IL6R: variants seen among roughly 807,000 people sequenced by gnomAD.
IL6R encodes the protein interleukin-6 receptor subunit alpha.
A neutral mutation model predicts 48.3 loss-of-function variants in IL6R; 38 were observed. The observed-to-expected ratio is 0.79, with a 90% CI of 0.61 to 1.03. The LOEUF (loss-of-function observed/expected upper bound fraction) is 1.03. IL6R is among the 50% of genes least tolerant of loss of function. IL6R has a pLI of 0.00. For synonymous variants in IL6R, 264 were observed against 256.2 expected, an observed-to-expected ratio of 1.03 and a Z score of -0.29; for missense variants, 534 against 618.3, an observed-to-expected ratio of 0.86 and a Z score of 1.45.
chr1:154,454,671 A>T, intron 9 of IL6R, 90 bp downstream of exon 9: 1 of 857,448 alleles, frequency 1.2e-6, no homozygotes, highest in South Asian at 1.4e-5. Flanking sequence ...TGGTGCATTT[A>T]TTCATTCATT....
At chr1:154,457,973 T>C (rs1408190289) in intron 9 of IL6R, among the ~76,000 whole-genome samples, 5 of 146,872 alleles carry the variant, frequency 3.4e-5, no homozygotes, top group South Asian at 2.1e-4. Context: ...TTTTCTTTTT[T>C]TTTTTTTTTT....
intron 2 of IL6R, 121 bp from the exon 3 acceptor site, chr1:154,430,362 C>G: frequency 1.5e-6 from 2 of 1,304,734 alleles, no homozygotes; most frequent in Non-Finnish European, 2.1e-6. Flanking sequence ...TGACTAGCTC[C>G]AGGGCTGGGG....
At chr1:154,446,628 G>A (rs1303916807) in intron 6 of IL6R, among the ~76,000 whole-genome samples, 1 of 152,152 alleles carries the variant, frequency 6.6e-6, no homozygotes, top group Non-Finnish European at 1.5e-5. Context: ...TTGCCTTGGG[G>A]TTTCCGCAGA....
intron 9 of IL6R, among the ~76,000 whole-genome samples, chr1:154,463,662 G>A (rs145044451): frequency 7.5e-4 from 114 of 152,316 alleles, no homozygotes; most frequent in African/African-American, 2.5e-3. Context: ...TGAGGCTTGG[G>A]GCACTGGCCA....
chr1:154,434,930 C>T, intron 4 of IL6R, 60 bp from the exon 5 acceptor site: 1 of 1,568,414 alleles, frequency 6.4e-7, no homozygotes, highest in Non-Finnish European at 8.7e-7. Flanking sequence ...TCTCAGCCTA[C>T]ATGGGCTTCT....
Position 154,405,866 on chromosome 1 carries a change from G to A in IL6R, c.85+152G>A. ...TGCCTTGAGGCCCCGCGGGTACCTAGCTGTGTGGTCGCGGGTAGTGGCTCT... is the reference window on the plus strand; with the variant it reads ...TGCCTTGAGGCCCCGCGGGTACCTAACTGTGTGGTCGCGGGTAGTGGCTCT... On this transcript the variant is annotated intron_variant, in intron 1 of 9. Coordinates refer to ENST00000368485, the MANE Select transcript of IL6R (RefSeq NM_000565.4). This position sits in a 1 kb window ranked among gnomAD's most constrained non-coding sequence, Gnocchi z 5.2. 1.6e-6 allele frequency: 1 copy of A among 631,564 alleles called. No homozygotes were observed. Among genetic ancestry groups the A allele is most frequent in the Non-Finnish European group, 2.6e-6 (1 of 382,338 alleles). The allele number at this position is 631,564 out of a possible 1,614,324, so 39.1% of individuals were successfully genotyped here.
chr1:154,429,027 C>T (rs953501258), intron 1 of IL6R, among the ~76,000 whole-genome samples, 169 bp from the exon 2 acceptor site: 3 of 152,086 alleles, frequency 2.0e-5, no homozygotes, highest in Admixed American at 1.3e-4. Context: ...ATGGTGAAGA[C>T]CAGGTTGGGG....
At chr1:154,444,568 A>G (rs11265612) in intron 6 of IL6R, among the ~76,000 whole-genome samples, 90,468 of 152,060 alleles carry the variant, frequency 0.59, 27,350 homozygotes, top group African/African-American at 0.66. Flanking sequence ...GTGATAAATA[A>G]CTATTAGCAT....
At chr1:154,459,511 G>A (rs748071777) in intron 9 of IL6R, among the ~76,000 whole-genome samples, 3 of 152,268 alleles carry the variant, frequency 2.0e-5, no homozygotes, top group Admixed American at 2.0e-4. Context: ...GGTTACCATG[G>A]GATGGCCACA....
At chr1:154,443,169 C>G (rs1223150328) in intron 6 of IL6R, among the ~76,000 whole-genome samples, 2 of 152,182 alleles carry the variant, frequency 1.3e-5, no homozygotes, top group Non-Finnish European at 2.9e-5. Context: ...TCCTATTCCC[C>G]AAGAATGGGA....
Position 154,456,398 on chromosome 1 carries a change from G to T in IL6R, c.1160+1817G>T, listed in dbSNP as rs1451452155. Among the ~76,000 whole-genome samples, 3 of 152,004 alleles carry T rather than the reference G, an allele frequency of 2.0e-5. No individual in the cohort carries two copies. The East Asian group carries it at 5.8e-4, about 29-fold the overall frequency. The stretch of plus-strand genomic sequence containing the variant: ...TTTTTTGTATTTTCAGTAGAAATGG[G>T]ATTTCATCATGTTGGCCAGGCTGGT... On this transcript the variant is annotated intron_variant, in intron 9 of 9. Coordinates refer to ENST00000368485, the MANE Select transcript of IL6R (RefSeq NM_000565.4).
At chr1:154,464,730 G>A (rs537619337) in intron 9 of IL6R, among the ~76,000 whole-genome samples, 2 of 151,986 alleles carry the variant, frequency 1.3e-5, no homozygotes, top group Non-Finnish European at 2.9e-5. Flanking sequence ...AGGCCGAGGC[G>A]GGCGGATTGC....
Position 154,447,231 on chromosome 1 carries a change from G to A in IL6R, c.950-894G>A, listed in dbSNP as rs568092780. On this transcript the variant is annotated intron_variant, in intron 6 of 9. Transcript: ENST00000368485. ...AAGCGGATAGATCACCTGAGGTCAG[G>A]AGTTCAAGACCAGCCTGGCCAATAT... Among the ~76,000 whole-genome samples the A allele has an allele frequency of 5.9e-5, 9 of 151,638 alleles. No individual in the cohort carries two copies. In the South Asian group the frequency reaches 1.9e-3, roughly 32 times the overall value.
chr1:154,434,777 G>A (rs1053864185), intron 4 of IL6R, 77 bp downstream of exon 4: 3 of 1,439,256 alleles, frequency 2.1e-6, no homozygotes, highest in African/African-American at 2.8e-5. Context: ...TCTCAGAGTG[G>A]CAGGGAAGGG....
chr1:154,444,852 A>G (rs1251296738), intron 6 of IL6R, among the ~76,000 whole-genome samples: 1 of 152,144 alleles, frequency 6.6e-6, no homozygotes, highest in Non-Finnish European at 1.5e-5. Flanking sequence ...GCAATGAGCT[A>G]TGATTGCACT....
chr1:154,436,084 C>T lies in IL6R; in HGVS notation c.923C>T (p.Pro308Leu), dbSNP rs148682883. ...FGQGEWSEWS[P>L]EAMGTPWTES... ...CAAGGCGAGTGGAGCGAGTGGAGCC[C>T]GGAGGCCATGGGCACGCCTTGGACA... is the stretch of plus-strand genomic sequence containing the variant. Residue 308 changes from proline (P) to leucine (L), a missense_variant, in exon 6 of 10, where the codon CCG (proline) becomes CTG (leucine). Transcript: ENST00000368485. 8.9e-4 allele frequency: 1,431 copies of T among 1,612,208 alleles called. No individual in the cohort carries two copies. Among genetic ancestry groups the T allele is most frequent in the Non-Finnish European group, 1.0e-3 (1,220 of 1,178,908 alleles).
At chr1:154,410,938 A>C (rs1490798430) in intron 1 of IL6R, among the ~76,000 whole-genome samples, 2 of 152,226 alleles carry the variant, frequency 1.3e-5, no homozygotes, top group Non-Finnish European at 2.9e-5. Context: ...GGCCCTTGGC[A>C]TCTGTGATCT....
chr1:154,412,475 C>T (rs1474115230), intron 1 of IL6R, among the ~76,000 whole-genome samples: 1 of 151,858 alleles, frequency 6.6e-6, no homozygotes, highest in East Asian at 1.9e-4. Context: ...CCAGGCTGGT[C>T]TCGAACTCCT....
At chr1:154,421,225 G>A (rs1054358967) in intron 1 of IL6R, among the ~76,000 whole-genome samples, 1 of 152,212 alleles carries the variant, frequency 6.6e-6, no homozygotes, top group African/African-American at 2.4e-5. Flanking sequence ...GATTGGAAGA[G>A]AACAGAAACA....
Sources: gnomAD v4.1 joint callset for allele counts (sites outside exome capture counted in the v4.1 genomes callset) on GRCh38, gnomAD v4.1.1 for gene constraint, Gnocchi (gnomAD v3.1) non-coding constraint, MANE v1.5 for transcripts, NCBI Gene and HGNC (gene_info 2026-07-23, HGNC 2026-07-21) for gene names.